Variants in JAKMIP1 observed in about 807,000 individuals in gnomAD.
JAKMIP1 encodes the protein janus kinase and microtubule interacting protein 1, also known as janus kinase and microtubule-interacting protein 1.
In JAKMIP1, 33 loss-of-function variants were observed where a neutral mutation model predicts 113.0. The observed-to-expected ratio is 0.29, with a 90% CI of 0.22 to 0.39. JAKMIP1 has a LOEUF of 0.39. Ranked by LOEUF, JAKMIP1 falls within the 10% of genes least tolerant of loss-of-function variation. The probability of loss-of-function intolerance (pLI) is 1.00; values close to 1 mark genes in which losing one functional copy is unlikely to be tolerated. For missense variants in JAKMIP1, 813 were observed against 1,080.5 expected (o/e 0.75, Z 3.47); for synonymous variants, 480 against 459.9 (o/e 1.04, Z -0.56).
At chr4:6,056,448 T>C (rs1253218481) in intron 12 of JAKMIP1, among the ~76,000 whole-genome samples, 1 of 152,208 alleles carries the variant, frequency 6.6e-6, no homozygotes, top group Non-Finnish European at 1.5e-5. Flanking sequence ...GGCCTCTCCA[T>C]TTCTGTGGAG....
At chr4:6,198,214 T>G (rs1306653951) in intron 1 of JAKMIP1, among the ~76,000 whole-genome samples, 1 of 152,234 alleles carries the variant, frequency 6.6e-6, no homozygotes, top group South Asian at 2.1e-4. Context: ...GCACACAATC[T>G]TTCCGGCAGA....
At chr4:6,113,757 C>T (rs996405488) in intron 1 of JAKMIP1, among the ~76,000 whole-genome samples, 1 of 152,200 alleles carries the variant, frequency 6.6e-6, no homozygotes. Context: ...GTCTCCTTCT[C>T]GTTTTCCATC....
chr4:6,091,572 T>C (rs1041308329), intron 3 of JAKMIP1, among the ~76,000 whole-genome samples: 2 of 152,186 alleles, frequency 1.3e-5, no homozygotes, highest in African/African-American at 4.8e-5. Context: ...CAGGGTCACA[T>C]GGCAAACAAA....
intron 16 of JAKMIP1, among the ~76,000 whole-genome samples, chr4:6,045,480 G>A (rs1714867076): frequency 6.6e-6 from 1 of 152,334 alleles, no homozygotes; most frequent in South Asian, 2.1e-4. Context: ...GCGGAGATGA[G>A]GAAAGCATGT....
rs1714175186 is a variant in JAKMIP1, at chr4:6,040,529, C to G, written c.2175+110G>C. ...AGGTGGAGATGGCATTTTTATCACT[C>G]CTGTTTGGCACTGGGGAGCGCCCTA... On this transcript the variant is annotated intron_variant, in intron 18 of 20. Transcript: ENST00000409021. The surrounding 1 kb of genome is among the most constrained non-coding windows in gnomAD (Gnocchi z 5.8). 1.3e-6 allele frequency: 1 copy of G among 751,856 alleles called. No homozygotes were observed. The highest frequency in any genetic ancestry group is 1.5e-5 in the South Asian group (1 of 68,046). The allele number at this position is 751,856 out of a possible 1,614,324, so 46.6% of individuals were successfully genotyped here.
At position 6,168,803 on chromosome 4, in the gene JAKMIP1, TGTG is replaced by T. The variant is rs1274770663; in HGVS notation, c.-148+31447_-148+31449del. Among the ~76,000 whole-genome samples, 2 of 151,870 alleles carry T rather than the reference TGTG, an allele frequency of 1.3e-5. No individual in the cohort carries two copies. Among genetic ancestry groups the T allele is most frequent in the Admixed American group, 6.6e-5 (1 of 15,252 alleles). On this transcript the variant is annotated intron_variant, in intron 1 of 20. Transcript: ENST00000409021. The surrounding 1 kb of genome is among the most constrained non-coding windows in gnomAD (Gnocchi z 4.6). Reference sequence around the variant, plus strand: ...TGGTCCCAGCTACTTGGGAGGCTGATGTGGGAGAATCACTTGAGCCTGGGGAGG... The same window carrying T: ...TGGTCCCAGCTACTTGGGAGGCTGATGGAGAATCACTTGAGCCTGGGGAGG...
chr4:6,036,350 G>A (rs772883402), intron 18 of JAKMIP1, among the ~76,000 whole-genome samples: 1 of 152,214 alleles, frequency 6.6e-6, no homozygotes, highest in Non-Finnish European at 1.5e-5. Context: ...ATGCACAAGA[G>A]GGGACAAAGG....
At chr4:6,159,791 T>C (rs1377275302) in intron 1 of JAKMIP1, among the ~76,000 whole-genome samples, 3 of 152,232 alleles carry the variant, frequency 2.0e-5, no homozygotes, top group East Asian at 1.9e-4. Flanking sequence ...CTTTCGCTAA[T>C]AGCTTCACTC....
rs1282183347 is a variant in JAKMIP1, at chr4:6,086,028, C to A, written c.625-399G>T. ...ACCATGTCTCCCTCTCAGTCATTGA[C>A]CCTCTCCTGCCTGGCCACAACTCCC... On this transcript the variant is annotated intron_variant, in intron 3 of 20. Transcript: ENST00000409021. The surrounding 1 kb of genome is among the most constrained non-coding windows in gnomAD (Gnocchi z 4.1). Among the ~76,000 whole-genome samples, 1 of 152,048 alleles carries A rather than the reference C, an allele frequency of 6.6e-6. No homozygotes were observed. The highest frequency in any genetic ancestry group is 1.5e-5 in the Non-Finnish European group (1 of 68,008).
rs1720246393 is a variant in JAKMIP1 at position 6,142,118 on chromosome 4, T to C, written c.-147-29121A>G. On this transcript the variant is annotated intron_variant, in intron 1 of 20. Transcript: ENST00000409021. The surrounding 1 kb of genome is among the most constrained non-coding windows in gnomAD (Gnocchi z 5.5). ...TTTCTAGCTTGTCTTTTCCTCTTCA[T>C]ATCATGAAATAAGAATTTTCCAAGA... is the stretch of plus-strand genomic sequence containing the variant. Among the ~76,000 whole-genome samples, 1 of 151,398 alleles carries C rather than the reference T, an allele frequency of 6.6e-6. No homozygotes were observed. The highest frequency in any genetic ancestry group is 2.4e-5 in the African/African-American group (1 of 41,298).
chr4:6,075,018 C>T (rs1342024070), intron 8 of JAKMIP1, among the ~76,000 whole-genome samples: 5 of 152,094 alleles, frequency 3.3e-5, no homozygotes, highest in African/African-American at 1.2e-4. Flanking sequence ...CAGAATGTGT[C>T]CCTGTTGTTA....
chr4:6,114,739 C>T (rs936853676), intron 1 of JAKMIP1, among the ~76,000 whole-genome samples: 1 of 152,238 alleles, frequency 6.6e-6, no homozygotes, highest in Non-Finnish European at 1.5e-5. Flanking sequence ...ACTCCATTCG[C>T]CTTGATCTGA....
chr4:6,177,049 A>T (rs1404346366), intron 1 of JAKMIP1, among the ~76,000 whole-genome samples: 2 of 152,152 alleles, frequency 1.3e-5, no homozygotes, highest in South Asian at 4.1e-4. Context: ...AATTTTTTTT[A>T]AATGATCGGA....
At chr4:6,103,404 GAT>G (rs1309243453) in intron 3 of JAKMIP1, among the ~76,000 whole-genome samples, 2 of 152,128 alleles carry the variant, frequency 1.3e-5, no homozygotes, top group Non-Finnish European at 2.9e-5. Context: ...TGCTGGATTT[GAT>G]ATGTTAATAT....
rs140339591 is a variant in JAKMIP1, at chr4:6,138,123, C to T, written c.-147-25126G>A. On this transcript the variant is annotated intron_variant, in intron 1 of 20. Coordinates refer to ENST00000409021, the MANE Select transcript of JAKMIP1 (RefSeq NM_001099433.2). This position sits in a 1 kb window ranked among gnomAD's most constrained non-coding sequence, Gnocchi z 6.0. The stretch of plus-strand genomic sequence containing the variant: ...GCTCCCTGACCTTCCACTACTGGCA[C>T]CTACTTCCCTGTGCTCCGTCCCTCT... Among the ~76,000 whole-genome samples the T allele has an allele frequency of 6.6e-6, 1 of 152,362 alleles. No homozygotes were observed. Among genetic ancestry groups the T allele is most frequent in the East Asian group, 1.9e-4 (1 of 5,192 alleles).
At position 6,042,347 on chromosome 4, in the gene JAKMIP1, G is replaced by A. The variant is rs1714438291; in HGVS notation, c.2029-120C>T. 7.6e-6 allele frequency: 6 copies of A among 788,458 alleles called. No homozygotes were observed. In the South Asian group the frequency reaches 8.9e-5, roughly 12 times the overall value. 48.8% of individuals were successfully genotyped at this position (788,458 alleles called of 1,614,324 possible). A position where few individuals can be genotyped will look rare whatever the true frequency, so the allele number is the denominator to read the frequency against. Reference sequence around the variant, plus strand: ...GCTTCCTCAGAGTGTGCTCAGGAATGGGTCAGGTCATGGCACACACATGCC... The same window carrying A: ...GCTTCCTCAGAGTGTGCTCAGGAATAGGTCAGGTCATGGCACACACATGCC... On this transcript the variant is annotated intron_variant, in intron 16 of 20. Coordinates refer to ENST00000409021, the MANE Select transcript of JAKMIP1 (RefSeq NM_001099433.2). This position sits in a 1 kb window ranked among gnomAD's most constrained non-coding sequence, Gnocchi z 5.2.
Position 6,072,903 on chromosome 4 carries a change from A to T in JAKMIP1, c.1302+6036T>A, listed in dbSNP as rs150544788. Among the ~76,000 whole-genome samples the T allele has an allele frequency of 1.6e-3, 248 of 151,766 alleles. 7 individuals carry two copies. The East Asian group carries it at 0.043, about 26-fold the overall frequency. Reference sequence around the variant, plus strand: ...AGACCAGCCTGGCCAATATGGTGAAACCCTGTCTCTACTAAAAATACAAAA... The same window carrying T: ...AGACCAGCCTGGCCAATATGGTGAATCCCTGTCTCTACTAAAAATACAAAA... On this transcript the variant is annotated intron_variant, in intron 8 of 20. Transcript: ENST00000409021.
At chr4:6,041,635 T>C (rs990108267) in intron 17 of JAKMIP1, among the ~76,000 whole-genome samples, 1 of 152,228 alleles carries the variant, frequency 6.6e-6, no homozygotes, top group Non-Finnish European at 1.5e-5. Context: ...ACCCTGGTTA[T>C]GTATGTAGCA....
intron 20 of JAKMIP1, among the ~76,000 whole-genome samples, chr4:6,027,914 A>C (rs1712070748): frequency 6.6e-6 from 1 of 152,228 alleles, no homozygotes. Flanking sequence ...TACCAACACA[A>C]GTGGTAGAGC....
Sources: gnomAD v4.1 joint callset for allele counts (sites outside exome capture counted in the v4.1 genomes callset) on GRCh38, gnomAD v4.1.1 for gene constraint, Gnocchi (gnomAD v3.1) non-coding constraint, MANE v1.5 for transcripts, NCBI Gene and HGNC (gene_info 2026-07-23, HGNC 2026-07-21) for gene names.